Variants in NREP observed in about 807,000 individuals in gnomAD.
NREP encodes the protein neuronal regeneration-related protein.
A neutral mutation model predicts 8.6 loss-of-function variants in NREP; 5 were observed. The ratio of observed to expected loss-of-function variants is 0.58; its 90% CI spans 0.30 to 1.22. The LOEUF (loss-of-function observed/expected upper bound fraction) is 1.22. NREP is among the 50% of genes most tolerant of loss of function. The pLI, the probability that NREP is intolerant of heterozygous loss-of-function variation, is 0.07. For missense variants in NREP, 86 were observed against 82.5 expected, an observed-to-expected ratio of 1.04 and a Z score of -0.17; for synonymous variants, 27 against 28.0, an observed-to-expected ratio of 0.96 and a Z score of 0.11.
At chr5:111,809,880 T>C (rs1301921191) in intron 2 of NREP, among the ~76,000 whole-genome samples, 92 of 146,600 alleles carry the variant, frequency 6.3e-4, no homozygotes, top group East Asian at 3.5e-3. Context: ...CGTGTGTGTG[T>C]GTGTGTGTGT....
intron 2 of NREP, among the ~76,000 whole-genome samples, chr5:111,779,301 T>C (rs976552040): frequency 5.9e-5 from 9 of 152,104 alleles, no homozygotes; most frequent in Admixed American, 5.9e-4. Flanking sequence ...TTTCTGGAAC[T>C]TCACTTCTTT....
intron 2 of NREP, among the ~76,000 whole-genome samples, chr5:111,928,019 A>C (rs1755436976): frequency 6.6e-6 from 1 of 152,126 alleles, no homozygotes; most frequent in South Asian, 2.1e-4. Flanking sequence ...TGTGAGGAAA[A>C]ATCCTGGTAC....
At chr5:111,974,034 T>C (rs1756893263) in intron 2 of NREP, among the ~76,000 whole-genome samples, 1 of 141,596 alleles carries the variant, frequency 7.1e-6, no homozygotes, top group Non-Finnish European at 1.6e-5. Flanking sequence ...ACTGCTACAA[T>C]AAGCACTTGA....
intron 2 of NREP, among the ~76,000 whole-genome samples, chr5:111,944,313 T>G (rs1755915869): frequency 6.6e-6 from 1 of 152,076 alleles, no homozygotes; most frequent in African/African-American, 2.4e-5. Flanking sequence ...CTTCCTCCAT[T>G]TTTTTCTTTT....
At chr5:111,811,704 G>C (rs927518832) in intron 2 of NREP, among the ~76,000 whole-genome samples, 1 of 152,062 alleles carries the variant, frequency 6.6e-6, no homozygotes, top group Non-Finnish European at 1.5e-5. Flanking sequence ...CAAAACTTTT[G>C]TTCAGAACTA....
At chr5:111,911,906 C>T (rs1426161878) in intron 2 of NREP, among the ~76,000 whole-genome samples, 1 of 152,032 alleles carries the variant, frequency 6.6e-6, no homozygotes, top group East Asian at 1.9e-4. Context: ...CCACCACCAT[C>T]CTATAAGCAA....
At chr5:111,785,013 A>T (rs1751576184) in intron 2 of NREP, among the ~76,000 whole-genome samples, 1 of 152,134 alleles carries the variant, frequency 6.6e-6, no homozygotes, top group Non-Finnish European at 1.5e-5. Flanking sequence ...GCCTGGAGTT[A>T]TACAGTCATT....
intron 2 of NREP, among the ~76,000 whole-genome samples, chr5:111,954,676 G>C (rs566381282): frequency 2.3e-4 from 35 of 152,256 alleles, no homozygotes; most frequent in African/African-American, 8.2e-4. Context: ...AGGGAACAGA[G>C]ATACAAAGCA....
intron 2 of NREP, among the ~76,000 whole-genome samples, chr5:111,955,872 T>C (rs1365398297): frequency 6.7e-6 from 1 of 148,878 alleles, no homozygotes; most frequent in East Asian, 2.0e-4. Flanking sequence ...GGGATGAGAG[T>C]TGGAACTAAA....
At chr5:111,813,771 G>A (rs897334843) in intron 2 of NREP, among the ~76,000 whole-genome samples, 6 of 152,104 alleles carry the variant, frequency 3.9e-5, no homozygotes, top group Admixed American at 2.6e-4. Context: ...TGTTTTGAGT[G>A]ATCACATTCA....
intron 2 of NREP, among the ~76,000 whole-genome samples, chr5:111,957,170 G>C (rs1034167821): frequency 6.6e-6 from 1 of 151,496 alleles, no homozygotes; most frequent in Non-Finnish European, 1.5e-5. Flanking sequence ...GAGCAAAAGA[G>C]AGAGAGAGAG....
upstream of NREP, among the ~76,000 whole-genome samples, chr5:111,761,943 AT>A (rs946408755): frequency 9.3e-5 from 14 of 151,086 alleles, no homozygotes; most frequent in East Asian, 5.8e-4. Flanking sequence ...AAGTGACAAG[AT>A]TTTTTTTTTC....
chr5:111,884,272 A>C (rs1754175500), intron 2 of NREP, among the ~76,000 whole-genome samples: 1 of 151,740 alleles, frequency 6.6e-6, no homozygotes, highest in South Asian at 2.1e-4. Context: ...AGACTAAACC[A>C]GGAAGAAGTT....
At chr5:111,791,527 G>A (rs1751746337) in intron 2 of NREP, among the ~76,000 whole-genome samples, 1 of 152,104 alleles carries the variant, frequency 6.6e-6, no homozygotes, top group Admixed American at 6.6e-5. Context: ...CACCCAGGCT[G>A]GAGTGCAGTG....
At chr5:111,751,274 A>T (rs1366187943) in intron 2 of NREP, among the ~76,000 whole-genome samples, 1 of 152,196 alleles carries the variant, frequency 6.6e-6, no homozygotes, top group Non-Finnish European at 1.5e-5. Flanking sequence ...CCATGGTATT[A>T]CTACTAATAA....
intron 2 of NREP, among the ~76,000 whole-genome samples, chr5:111,931,031 G>A (rs1755522351): frequency 6.6e-6 from 1 of 152,084 alleles, no homozygotes; most frequent in Admixed American, 6.6e-5. Flanking sequence ...TGGCAGGGTA[G>A]AAGACAGAAA....
chr5:111,890,425 G>A (rs1754366248), intron 2 of NREP, among the ~76,000 whole-genome samples: 1 of 152,162 alleles, frequency 6.6e-6, no homozygotes, highest in Admixed American at 6.5e-5. Flanking sequence ...TCTGGGTTCT[G>A]GAGAGTGGTG....
intron 2 of NREP, among the ~76,000 whole-genome samples, chr5:111,780,306 T>A (rs1270240188): frequency 6.6e-6 from 1 of 152,184 alleles, no homozygotes; most frequent in East Asian, 1.9e-4. Context: ...TATGGAGATT[T>A]AGCAGAGCTA....
intron 2 of NREP, among the ~76,000 whole-genome samples, chr5:111,770,879 T>A (rs1300713675): frequency 6.6e-6 from 1 of 152,150 alleles, no homozygotes; most frequent in South Asian, 2.1e-4. Context: ...TAATGAATTA[T>A]TTCTAATTTC....
Sources: allele counts gnomAD v4.1 joint callset (sites outside exome capture counted in the v4.1 genomes callset), GRCh38; gene constraint gnomAD v4.1.1; transcripts MANE v1.5; gene names NCBI Gene and HGNC (gene_info 2026-07-23, HGNC 2026-07-21).